COL9A1: variants seen among roughly 807,000 people sequenced by gnomAD.
COL9A1 encodes collagen type IX alpha 1 chain, also known as collagen alpha-1(IX) chain.
Under a neutral mutation model 142.6 loss-of-function variants are expected in COL9A1, and 104 were observed. The ratio of observed to expected loss-of-function variants is 0.73; its 90% confidence interval spans 0.62 to 0.86. The LOEUF (loss-of-function observed/expected upper bound fraction) is 0.86. COL9A1 is among the 40% of genes least tolerant of loss of function. COL9A1 has a pLI of 0.00. For synonymous variants in COL9A1, 466 were observed against 396.0 expected (o/e 1.18, Z -2.10); for missense variants, 1,210 against 1,176.6 (o/e 1.03, Z -0.42).
At chr6:70,280,760 G>T in intron 10 of COL9A1, 52 bp downstream of exon 10, 1 of 1,550,656 alleles carries the variant, frequency 6.4e-7, no homozygotes, top group Non-Finnish European at 8.8e-7. Context: ...ACACTTACTC[G>T]TACCCACCAC....
intron 19 of COL9A1, chr6:70,260,958 CA>C (rs954303090): frequency 4.8e-5 from 20 of 419,138 alleles, no homozygotes; most frequent in Non-Finnish European, 7.3e-5. Flanking sequence ...TCACTTATGA[CA>C]AAAAAAGTAA....
chr6:70,277,252 AT>A (rs1772824017), intron 10 of COL9A1, among the ~76,000 whole-genome samples: 1 of 152,154 alleles, frequency 6.6e-6, no homozygotes, highest in African/African-American at 2.4e-5. Flanking sequence ...ACATATAAAA[AT>A]ATCTCTATTA....
At chr6:70,273,962 A>AATAAATAG in intron 12 of COL9A1, 85 bp downstream of exon 12, 2 of 675,406 alleles carry the variant, frequency 3.0e-6, no homozygotes, top group South Asian at 4.0e-5. Context: ...TAAATAAATA[A>AATAAATAG]ATAAATAAAT....
At chr6:70,266,364 T>A (rs1323448725) in intron 18 of COL9A1, among the ~76,000 whole-genome samples, 4 of 152,190 alleles carry the variant, frequency 2.6e-5, no homozygotes, top group Non-Finnish European at 5.9e-5. Flanking sequence ...TTTACAAATG[T>A]CATAAAATTT....
At chr6:70,220,456 G>A (rs1409958350) in intron 37 of COL9A1, among the ~76,000 whole-genome samples, 2 of 151,686 alleles carry the variant, frequency 1.3e-5, no homozygotes, top group African/African-American at 2.4e-5. Context: ...AGTTGACCAG[G>A]AAGTAGACAG....
chr6:70,241,617 T>C (rs1038224086), intron 30 of COL9A1, among the ~76,000 whole-genome samples, 163 bp from the exon 31 acceptor site: 1 of 152,106 alleles, frequency 6.6e-6, no homozygotes, highest in Admixed American at 6.5e-5. Context: ...AAAACATAAG[T>C]TTCCACATTA....
intron 25 of COL9A1, among the ~76,000 whole-genome samples, chr6:70,253,893 T>C (rs150649680): frequency 3.3e-5 from 5 of 152,322 alleles, no homozygotes; most frequent in Non-Finnish European, 7.4e-5. Context: ...TTTGATATTA[T>C]TGGGAGTGCT....
chr6:70,252,395 C>G, intron 26 of COL9A1, 80 bp from the exon 27 acceptor site: 2 of 1,265,672 alleles, frequency 1.6e-6, no homozygotes, highest in Non-Finnish European at 2.3e-6. Flanking sequence ...AGACTGGGAT[C>G]TCTTACATTT....
In COL9A1 at chr6:70,239,279, A is replaced by G. The variant is rs1562295675; in HGVS notation, c.2087T>C (p.Ile696Thr). Residue 696 changes from isoleucine (I) to threonine (T), a missense_variant, in exon 33 of 38, where the codon ATA (isoleucine) becomes ACA (threonine). Coordinates refer to ENST00000357250, the MANE Select transcript of COL9A1 (RefSeq NM_001851.6). Reference protein sequence around the residue: ...EAGERGELGDIGLPGPKGSAG... With the variant: ...EAGERGELGDTGLPGPKGSAG... ...AGATCCCTTTGGGCCAGGTAATCCT[A>G]TATCTCCCTAAATCAATAAAAGAAA... is the stretch of plus-strand genomic sequence containing the variant. 4 of 1,558,428 alleles carry G rather than the reference A, an allele frequency of 2.6e-6. No individual in the cohort carries two copies. Among genetic ancestry groups the G allele is most frequent in the South Asian group, 1.1e-5 (1 of 89,762 alleles).
At chr6:70,252,349 T>C (rs1046104506) in intron 26 of COL9A1, 34 bp from the exon 27 acceptor site, 3 of 1,592,632 alleles carry the variant, frequency 1.9e-6, no homozygotes, top group East Asian at 2.2e-5. Context: ...AAATAACTCA[T>C]GCTGAAGTAA....
At chr6:70,300,842 G>T (rs1774035687) in intron 2 of COL9A1, among the ~76,000 whole-genome samples, 1 of 152,200 alleles carries the variant, frequency 6.6e-6, no homozygotes, top group South Asian at 2.1e-4. Context: ...CAAATTTTAG[G>T]ATTCCAGTGA....
Position 70,303,077 on chromosome 6 carries a change from G to C in COL9A1, c.-153C>G. On this transcript the variant is annotated 5_prime_UTR_variant, in exon 1 of 38. Coordinates refer to ENST00000357250, the MANE Select transcript of COL9A1 (RefSeq NM_001851.6). ...CTCCTGCCCCCGGTGAGGGCTAAAA[G>C]CAAAGGGAGAGAACCAGAGGCATCT... 1.2e-6 allele frequency: 1 copy of C among 809,086 alleles called. No individual in the cohort carries two copies. Among genetic ancestry groups the C allele is most frequent in the Non-Finnish European group, 2.2e-6 (1 of 456,680 alleles). The allele number at this position is 809,086 out of a possible 1,614,324, so 50.1% of individuals were successfully genotyped here. A position where few individuals can be genotyped will look rare whatever the true frequency, so the allele number is the denominator to read the frequency against.
chr6:70,255,825 TTGATATACG>T (rs61583459), intron 21 of COL9A1, among the ~76,000 whole-genome samples: 66,342 of 151,568 alleles, frequency 0.44, 14,984 homozygotes, highest in Non-Finnish European at 0.49. Flanking sequence ...CTAGCTAATG[TTGATATACG>T]TGATATACGC....
chr6:70,239,011 T>C (rs373750308), intron 33 of COL9A1, among the ~76,000 whole-genome samples: 2 of 152,094 alleles, frequency 1.3e-5, no homozygotes, highest in Non-Finnish European at 2.9e-5. Flanking sequence ...TGGTGGTGCA[T>C]GCCTGTAATC....
In COL9A1 at chr6:70,247,047, G is replaced by A. The variant is rs1425210757; in HGVS notation, c.1873-4332C>T. On this transcript the variant is annotated intron_variant, in intron 28 of 37. Coordinates refer to ENST00000357250, the MANE Select transcript of COL9A1 (RefSeq NM_001851.6). Reference sequence around the variant, plus strand: ...AGAAGTGTTAGTTATATTGATCTGAGGTAATTACTAAAGAAATCGGCCAAA... The same window carrying A: ...AGAAGTGTTAGTTATATTGATCTGAAGTAATTACTAAAGAAATCGGCCAAA... 2.0e-5 allele frequency among the ~76,000 whole-genome samples: 3 copies of A among 152,102 alleles called. No homozygotes were observed. The East Asian group carries it at 5.8e-4, about 29-fold the overall frequency.
chr6:70,235,855 C>T (rs1769870189), intron 33 of COL9A1, among the ~76,000 whole-genome samples: 1 of 152,108 alleles, frequency 6.6e-6, no homozygotes, highest in Admixed American at 6.5e-5. Context: ...TGGCTCACGC[C>T]TGTAATCCCA....
chr6:70,290,340 T>C (rs1311720125), intron 5 of COL9A1, among the ~76,000 whole-genome samples: 4 of 152,140 alleles, frequency 2.6e-5, no homozygotes, highest in Non-Finnish European at 4.4e-5. Context: ...GTGGGATAAA[T>C]GGCACCATCC....
chr6:70,272,049 ATGAAGTGATAC>A lies in COL9A1; in HGVS notation c.1089+5_1089+15del, dbSNP rs1280304304. ...TTTATAGACTGCATAAAAATAAATG[ATGAAGTGATAC>A]TTACAGGGGGTCCAGGAATACCACG... On this transcript the variant is annotated splice_donor_5th_base_variant and intron_variant, in intron 13 of 37. Transcript: ENST00000357250. 1.2e-6 allele frequency: 2 copies of A among 1,610,192 alleles called. No homozygotes were observed. Among genetic ancestry groups the A allele is most frequent in the Non-Finnish European group, 1.7e-6 (2 of 1,176,810 alleles).
chr6:70,273,986 A>G (rs1446717114), intron 12 of COL9A1, 61 bp downstream of exon 12: 2 of 972,100 alleles, frequency 2.1e-6, no homozygotes, highest in Non-Finnish European at 2.9e-6. Context: ...AAGATTTCAC[A>G]ATGGCAGAAT....
Sources: gnomAD v4.1 joint callset for allele counts (sites outside exome capture counted in the v4.1 genomes callset) on GRCh38, gnomAD v4.1.1 for gene constraint, MANE v1.5 for transcripts, NCBI Gene and HGNC (gene_info 2026-07-23, HGNC 2026-07-21) for gene names.